Variants in SHISA9 observed in about 807,000 individuals in gnomAD.
SHISA9 encodes shisa family member 9, also known as protein shisa-9.
In SHISA9, 13 loss-of-function variants were observed where a neutral mutation model predicts 38.0. That is an observed-to-expected ratio of 0.34 (90% CI 0.22 to 0.54). The LOEUF (loss-of-function observed/expected upper bound fraction) is 0.54, where lower values mean the gene tolerates loss of function less well. SHISA9 is among the 20% of genes least tolerant of loss of function. The probability of loss-of-function intolerance (pLI) is 0.91; values close to 1 mark genes in which losing one functional copy is unlikely to be tolerated. For missense variants in SHISA9, 538 were observed against 575.8 expected (o/e 0.93, Z 0.67); for synonymous variants, 275 against 242.0 (o/e 1.14, Z -1.27).
intron 2 of SHISA9, among the ~76,000 whole-genome samples, chr16:13,076,325 C>T (rs2073581857): frequency 6.6e-6 from 1 of 152,214 alleles, no homozygotes; most frequent in African/African-American, 2.4e-5. Context: ...GCCACTGCAC[C>T]CAGCTGAGAA....
the SHISA9 span, among the ~76,000 whole-genome samples, chr16:13,434,419 G>GTTTTTTTTTCTTTTTTTTT: frequency 1.5e-5 from 1 of 64,556 alleles, no homozygotes; most frequent in Admixed American, 1.9e-4. Flanking sequence ...GACAAGCTAT[G>GTTTTTTTTTCTTTTTTTTT]TTTTTTTTTT....
At chr16:13,306,444 A>G in the SHISA9 span, among the ~76,000 whole-genome samples, 4 of 152,210 alleles carry the variant, frequency 2.6e-5, no homozygotes, top group African/African-American at 9.6e-5. Flanking sequence ...TAGGAGAGAG[A>G]GGGAGAGAGA....
At chr16:13,371,883 A>G in the SHISA9 span, among the ~76,000 whole-genome samples, 5 of 152,310 alleles carry the variant, frequency 3.3e-5, no homozygotes, top group African/African-American at 1.2e-4. Context: ...TCAGATAATC[A>G]AGACCAGGAT....
the SHISA9 span, among the ~76,000 whole-genome samples, chr16:13,508,887 T>C: frequency 1.3e-5 from 2 of 152,182 alleles, no homozygotes; most frequent in Non-Finnish European, 2.9e-5. Context: ...CTGAAGGGGA[T>C]TGATAATTGT....
At chr16:13,040,558 T>C (rs1482372397) in intron 2 of SHISA9, among the ~76,000 whole-genome samples, 1 of 152,228 alleles carries the variant, frequency 6.6e-6, no homozygotes, top group Non-Finnish European at 1.5e-5. Flanking sequence ...CTCATTTGCA[T>C]GTTTTCATGT....
chr16:13,257,486 A>G, the SHISA9 span, among the ~76,000 whole-genome samples: 1 of 152,146 alleles, frequency 6.6e-6, no homozygotes, highest in Admixed American at 6.6e-5. Flanking sequence ...TTCATACACC[A>G]TCATCATCAT....
chr16:13,441,780 C>T, the SHISA9 span, among the ~76,000 whole-genome samples: 2 of 152,134 alleles, frequency 1.3e-5, no homozygotes, highest in African/African-American at 4.8e-5. Context: ...GTCACCCCAG[C>T]TTAAAACTGG....
At chr16:13,322,245 T>C in the SHISA9 span, among the ~76,000 whole-genome samples, 1 of 151,980 alleles carries the variant, frequency 6.6e-6, no homozygotes, top group Non-Finnish European at 1.5e-5. Context: ...GATCCTAGAG[T>C]GATCTAATAG....
intron 2 of SHISA9, among the ~76,000 whole-genome samples, chr16:13,034,789 G>C (rs1445446499): frequency 6.6e-6 from 1 of 152,116 alleles, no homozygotes; most frequent in East Asian, 1.9e-4. Flanking sequence ...TTGTACCTCT[G>C]CCATTGCCAA....
At chr16:13,190,936 G>A (rs1432960454) in intron 2 of SHISA9, among the ~76,000 whole-genome samples, 2 of 150,780 alleles carry the variant, frequency 1.3e-5, no homozygotes, top group Non-Finnish European at 2.9e-5. Context: ...GCAAATTCCT[G>A]CTGGTCTCTC....
chr16:13,422,298 TA>T, the SHISA9 span, among the ~76,000 whole-genome samples: 3 of 152,208 alleles, frequency 2.0e-5, no homozygotes, highest in African/African-American at 7.2e-5. Flanking sequence ...GATTTTTTTT[TA>T]AAAAGTTATT....
At chr16:13,414,646 C>CTTTTTTTT in the SHISA9 span, among the ~76,000 whole-genome samples, 188 of 136,530 alleles carry the variant, frequency 1.4e-3, 15 homozygotes, top group East Asian at 2.0e-3. Context: ...TTCTTTCTTT[C>CTTTTTTTT]TTTCTTTTTT....
intron 2 of SHISA9, among the ~76,000 whole-genome samples, chr16:13,157,213 T>G (rs945758490): frequency 6.6e-6 from 1 of 152,206 alleles, no homozygotes; most frequent in African/African-American, 2.4e-5. Flanking sequence ...TGGTGCTGAG[T>G]GCTGGGCTAT....
At chr16:13,077,635 T>C (rs1305313606) in intron 2 of SHISA9, among the ~76,000 whole-genome samples, 1 of 152,162 alleles carries the variant, frequency 6.6e-6, no homozygotes. Context: ...AGTAGCCTGC[T>C]CCACCTTGCC....
In SHISA9 at chr16:13,109,070, T is replaced by G. The variant is rs116127590; in HGVS notation, c.692-94324T>G. On this transcript the variant is annotated intron_variant, in intron 2 of 4. Transcript: ENST00000558583. ...TCTGAAAATCAAAATTATTATCTTT[T>G]TGTGTGTGTGTGAATTACTGAGTGT... Among the ~76,000 whole-genome samples, 1,421 of 152,214 alleles carry G rather than the reference T, an allele frequency of 9.3e-3. 24 individuals are homozygous for G. The highest frequency in any genetic ancestry group is 0.032 in the African/African-American group (1,346 of 41,514).
chr16:13,064,432 C>A (rs1596621766), intron 2 of SHISA9, among the ~76,000 whole-genome samples: 1 of 152,188 alleles, frequency 6.6e-6, no homozygotes, highest in East Asian at 1.9e-4. Context: ...ACTGACAAAC[C>A]TGCACATGTT....
At chr16:13,439,733 G>A in the SHISA9 span, among the ~76,000 whole-genome samples, 2 of 152,250 alleles carry the variant, frequency 1.3e-5, no homozygotes, top group African/African-American at 4.8e-5. Context: ...TGTGAGCCTT[G>A]GCCTCCCCCT....
At chr16:13,338,765 G>A in the SHISA9 span, among the ~76,000 whole-genome samples, 1 of 152,156 alleles carries the variant, frequency 6.6e-6, no homozygotes, top group Admixed American at 6.5e-5. Flanking sequence ...CCAGGTGAAT[G>A]TATAGTAAGC....
intron 2 of SHISA9, among the ~76,000 whole-genome samples, chr16:13,191,615 A>G (rs188268563): frequency 2.6e-3 from 402 of 152,318 alleles, no homozygotes; most frequent in Non-Finnish European, 3.5e-3. Context: ...AAGACACCCA[A>G]AGATGCTGTT....
Sources: allele counts gnomAD v4.1 joint callset (sites outside exome capture counted in the v4.1 genomes callset), GRCh38; gene constraint gnomAD v4.1.1; transcripts MANE v1.5; gene names NCBI Gene and HGNC (gene_info 2026-07-23, HGNC 2026-07-21).